The following FGD6 variants were observed in gnomAD, a reference collection of about 807,000 sequenced individuals.
FGD6 encodes FYVE, RhoGEF and PH domain-containing protein 6.
A neutral mutation model predicts 149.4 loss-of-function variants in FGD6; 90 were observed. The ratio of observed to expected loss-of-function variants is 0.60; its 90% confidence interval spans 0.51 to 0.72. The LOEUF (loss-of-function observed/expected upper bound fraction) is 0.72, where lower values mean the gene tolerates loss of function less well. Ranked by LOEUF, FGD6 falls within the 30% of genes least tolerant of loss-of-function variation. The probability of loss-of-function intolerance (pLI) is 0.00; values close to 1 mark genes in which losing one functional copy is unlikely to be tolerated. For synonymous variants in FGD6, 527 were observed against 584.0 expected (o/e 0.90, Z 1.41); for missense variants, 1,437 against 1,684.8 (o/e 0.85, Z 2.57).
intron 3 of FGD6, among the ~76,000 whole-genome samples, chr12:95,159,844 A>T (rs1358660583): frequency 1.3e-5 from 2 of 152,132 alleles, no homozygotes; most frequent in Non-Finnish European, 2.9e-5. Flanking sequence ...ACAAAATAAA[A>T]AAATAAAAAA....
chr12:95,151,811 C>T (rs559154901), intron 5 of FGD6, among the ~76,000 whole-genome samples: 1 of 152,318 alleles, frequency 6.6e-6, no homozygotes, highest in African/African-American at 2.4e-5. Context: ...GTCACTTCAA[C>T]TCCTTTTTTC....
At chr12:95,167,193 G>A (rs1195881677) in intron 3 of FGD6, among the ~76,000 whole-genome samples, 1 of 152,068 alleles carries the variant, frequency 6.6e-6, no homozygotes, top group East Asian at 1.9e-4. Flanking sequence ...ATGCTGTTAT[G>A]AACATTCCTC....
intron 2 of FGD6, among the ~76,000 whole-genome samples, chr12:95,202,614 G>A (rs573317071): frequency 2.6e-5 from 4 of 151,684 alleles, no homozygotes; most frequent in Admixed American, 6.6e-5. Flanking sequence ...GGCTGGTCTC[G>A]AACTCCTGGG....
chr12:95,210,718 T>G lies in FGD6; in HGVS notation c.566A>C (p.His189Pro), dbSNP rs913713364. Residue 189 changes from histidine (H) to proline (P), a missense_variant, in exon 2 of 21, where the codon CAC (histidine) becomes CCC (proline). Physicochemically the swap from His to Pro is moderately conservative, Grantham distance 77 (BLOSUM62 -2). Coordinates refer to ENST00000343958, the MANE Select transcript of FGD6 (RefSeq NM_018351.4). Reference sequence around the variant, plus strand: ...TGCAGAAATAAAAGGTGGCATTTGGTGTATTAAGGCATCTTTGAGCTCCTC... The same window carrying G: ...TGCAGAAATAAAAGGTGGCATTTGGGGTATTAAGGCATCTTTGAGCTCCTC... ...LEEELKDALI[H>P]QMPPFISAQK... 2.5e-6 allele frequency: 4 copies of G among 1,613,810 alleles called. No individual in the cohort carries two copies. The African/African-American group carries it at 5.3e-5, about 22-fold the overall frequency.
At chr12:95,157,622 G>T (rs890408842) in intron 3 of FGD6, among the ~76,000 whole-genome samples, 3 of 150,508 alleles carry the variant, frequency 2.0e-5, no homozygotes, top group African/African-American at 7.3e-5. Context: ...TTCAAAGAAG[G>T]TTGTGAAACC....
At chr12:95,107,484 T>C (rs1878667788) in intron 12 of FGD6, 79 bp downstream of exon 12, 3 of 1,397,170 alleles carry the variant, frequency 2.1e-6, no homozygotes, top group African/African-American at 2.8e-5. Flanking sequence ...GCTAAGCTTA[T>C]CTACCATGTA....
intron 1 of FGD6, among the ~76,000 whole-genome samples, chr12:95,214,866 T>TC (rs1440775948): frequency 6.0e-5 from 9 of 148,786 alleles, no homozygotes; most frequent in African/African-American, 2.2e-4. Context: ...TTTTTCTTTT[T>TC]TTTTTTTTTT....
At chr12:95,198,669 C>T (rs1881789069) in intron 2 of FGD6, among the ~76,000 whole-genome samples, 2 of 152,268 alleles carry the variant, frequency 1.3e-5, no homozygotes, top group African/African-American at 4.8e-5. Context: ...TCGATCTGAC[C>T]TCGAGATCCA....
At chr12:95,171,376 C>T (rs955892247) in intron 3 of FGD6, among the ~76,000 whole-genome samples, 16 of 152,300 alleles carry the variant, frequency 1.1e-4, no homozygotes, top group African/African-American at 3.6e-4. Flanking sequence ...TTTTCAAATT[C>T]CATATTGCTG....
chr12:95,144,909 G>A (rs1232764877), intron 5 of FGD6, among the ~76,000 whole-genome samples: 2 of 149,666 alleles, frequency 1.3e-5, no homozygotes, highest in African/African-American at 2.5e-5. Flanking sequence ...AGCTGGTCTC[G>A]AACTCCTGAC....
intron 6 of FGD6, 30 bp downstream of exon 6, chr12:95,141,358 T>C: frequency 6.2e-7 from 1 of 1,606,410 alleles, no homozygotes; most frequent in Non-Finnish European, 8.5e-7. Flanking sequence ...TTGGAAACAC[T>C]AGGAAAATCT....
intron 2 of FGD6, among the ~76,000 whole-genome samples, chr12:95,179,318 A>G (rs1014430418): frequency 6.6e-6 from 1 of 151,324 alleles, no homozygotes; most frequent in Non-Finnish European, 1.5e-5. Context: ...TGGGCAACAC[A>G]GGGAGAGACC....
chr12:95,172,046 G>GGGGGGGT (rs562514503), intron 3 of FGD6, among the ~76,000 whole-genome samples: 1,897 of 135,926 alleles, frequency 0.014, 38 homozygotes, highest in South Asian at 0.034. Context: ...GGGGGGGGGG[G>GGGGGGGT]TTGTTATCAA....
At chr12:95,140,596 A>G (rs1270881011) in intron 6 of FGD6, among the ~76,000 whole-genome samples, 1 of 152,068 alleles carries the variant, frequency 6.6e-6, no homozygotes, top group Non-Finnish European at 1.5e-5. Flanking sequence ...CAGCCTGGGC[A>G]ACAAGAGTGA....
chr12:95,208,810 T>G, intron 2 of FGD6, 33 bp downstream of exon 2: 1 of 1,579,402 alleles, frequency 6.3e-7, no homozygotes, highest in Non-Finnish European at 8.6e-7. Context: ...ATTGCAATGA[T>G]GCATGCAAAA....
At chr12:95,125,885 C>T (rs1388461908) in intron 8 of FGD6, 22 of 1,339,182 alleles carry the variant, frequency 1.6e-5, no homozygotes, top group East Asian at 1.6e-4. Context: ...GTGGACCTTG[C>T]GCTCAAGTGA....
Position 95,083,040 on chromosome 12 carries a change from TACACAC to T in FGD6, c.4256+1452_4256+1457del, listed in dbSNP as rs60971253. ...ATATATATATATATATACACACACATACACACACACACACACACACACAGAAGAGAG... is the reference window on the plus strand; with the variant it reads ...ATATATATATATATATACACACACATACACACACACACACACAGAAGAGAG... On this transcript the variant is annotated intron_variant, in intron 20 of 20. Transcript: ENST00000343958. 5.4e-3 allele frequency among the ~76,000 whole-genome samples: 404 copies of T among 74,612 alleles called. 6 individuals carry two copies. Among genetic ancestry groups the T allele is most frequent in the African/African-American group, 0.019 (374 of 19,284 alleles). The allele number at this position is 74,612 out of a possible 152,430, so 48.9% of individuals were successfully genotyped here.
intron 16 of FGD6, 37 bp downstream of exon 16, chr12:95,092,662 A>AT: frequency 6.2e-7 from 1 of 1,607,862 alleles, no homozygotes; most frequent in Non-Finnish European, 8.5e-7. Flanking sequence ...TGGAGACAGT[A>AT]AAGACCACAA....
intron 15 of FGD6, among the ~76,000 whole-genome samples, chr12:95,093,980 T>C (rs943400033): frequency 6.6e-6 from 1 of 151,284 alleles, no homozygotes; most frequent in African/African-American, 2.4e-5. Flanking sequence ...GCCAACATGG[T>C]GAAACCCCAT....
Sources: allele counts gnomAD v4.1 joint callset (sites outside exome capture counted in the v4.1 genomes callset), GRCh38; gene constraint gnomAD v4.1.1; transcripts MANE v1.5; gene names NCBI Gene and HGNC (gene_info 2026-07-23, HGNC 2026-07-21).